The following LMOD1 variants were observed in gnomAD, a reference collection of about 807,000 sequenced individuals.
The protein encoded by LMOD1 is leiomodin-1.
LMOD1 carries 8 observed loss-of-function variants against 36.5 expected under a neutral mutation model. That is an observed-to-expected ratio of 0.22 (90% confidence interval 0.13 to 0.40). LMOD1 has a LOEUF of 0.40. Among genes scored for constraint, LMOD1 ranks in the 10% least tolerant of loss-of-function variants. The probability of loss-of-function intolerance (pLI) is 1.00; values close to 1 mark genes in which losing one functional copy is unlikely to be tolerated. For missense variants in LMOD1, 630 were observed against 751.1 expected (o/e 0.84, Z 1.88); for synonymous variants, 284 against 288.7 (o/e 0.98, Z 0.17).
rs12031868 is a variant in LMOD1, at chr1:201,933,556, A to T, written c.261+12524T>A. ...CTATATATATAATACATATATATATAATACATATATATATTATATATGTAC... is the reference window on the plus strand; with the variant it reads ...CTATATATATAATACATATATATATTATACATATATATATTATATATGTAC... On this transcript the variant is annotated intron_variant, in intron 1 of 2. Coordinates refer to ENST00000367288, the MANE Select transcript of LMOD1 (RefSeq NM_012134.3). 3.9e-3 allele frequency among the ~76,000 whole-genome samples: 486 copies of T among 123,270 alleles called. 6 individuals are homozygous for T. Among genetic ancestry groups the T allele is most frequent in the Non-Finnish European group, 6.5e-3 (374 of 57,224 alleles). 80.9% of individuals were successfully genotyped at this position (123,270 alleles called of 152,430 possible).
chr1:201,907,749 C>T (rs572114823), intron 1 of LMOD1, among the ~76,000 whole-genome samples: 1 of 152,266 alleles, frequency 6.6e-6, no homozygotes, highest in South Asian at 2.1e-4. Context: ...ACTTGTTGGG[C>T]CCTGTGGGTG....
intron 1 of LMOD1, among the ~76,000 whole-genome samples, chr1:201,924,924 A>C (rs1681802716): frequency 6.6e-6 from 1 of 152,142 alleles, no homozygotes; most frequent in Non-Finnish European, 1.5e-5. Flanking sequence ...AAAGAGTTCA[A>C]GATATTCCGG....
At chr1:201,901,512 ATATATATATATATATATGTATATATATAT>A (rs1681301138) in intron 1 of LMOD1, among the ~76,000 whole-genome samples, 3 of 35,000 alleles carry the variant, frequency 8.6e-5, no homozygotes, top group Non-Finnish European at 1.5e-4. Context: ...CAAAAAAAAA[ATATATATATATATATATGTATATATATAT>A]ATATATATAT....
intron 1 of LMOD1, among the ~76,000 whole-genome samples, chr1:201,907,149 T>C (rs10800795): frequency 0.015 from 2,255 of 152,316 alleles, 49 homozygotes; most frequent in African/African-American, 0.049. Context: ...CTGCCCATAG[T>C]GGCATATGAG....
In LMOD1 at chr1:201,897,199, A is replaced by AG; in HGVS notation, c.*1172_*1173insC. 2 of 190,820 alleles carry AG rather than the reference A, an allele frequency of 1.0e-5. No homozygotes were observed. Among genetic ancestry groups the AG allele is most frequent in the Admixed American group, 5.3e-5 (1 of 18,788 alleles). The allele number at this position is 190,820 out of a possible 1,614,324, so 11.8% of individuals were successfully genotyped here. On this transcript the variant is annotated 3_prime_UTR_variant, in exon 3 of 3. Coordinates refer to ENST00000367288, the MANE Select transcript of LMOD1 (RefSeq NM_012134.3). Reference sequence around the variant, plus strand: ...ACACAGATATGGGTGCTATTCTCCAAATAGTCACTCCACTTCTCTGCCTGC... The same window carrying AG: ...ACACAGATATGGGTGCTATTCTCCAAGATAGTCACTCCACTTCTCTGCCTGC...
At position 201,900,422 on chromosome 1, in the gene LMOD1, G is replaced by A. The variant is rs781725517; in HGVS notation, c.591C>T (p.Asn197=). Residue 197 remains asparagine (N), a synonymous_variant, in exon 2 of 3, where the codon AAC becomes AAT. Coordinates refer to ENST00000367288, the MANE Select transcript of LMOD1 (RefSeq NM_012134.3). ...KEEEKKGSDR[N]TGLSRDKDKK... is the part of the protein sequence containing the mutation. ...TATCCTTGTCCCTGCTCAAGCCTGT[G>A]TTCCTGTCACTCCCTTTCTTCTCCT... The A allele has an allele frequency of 5.7e-6, 9 of 1,579,510 alleles. No homozygotes were observed. The East Asian group carries it at 1.2e-4, about 20-fold the overall frequency.
At chr1:201,898,960 A>G (rs1681240396) in intron 2 of LMOD1, among the ~76,000 whole-genome samples, 1 of 152,224 alleles carries the variant, frequency 6.6e-6, no homozygotes, top group Admixed American at 6.5e-5. Flanking sequence ...AAGGAGAAAC[A>G]GGCTTCATTG....
At chr1:201,933,595 T>TATATATATATA (rs1437458163) in intron 1 of LMOD1, among the ~76,000 whole-genome samples, 1 of 63,220 alleles carries the variant, frequency 1.6e-5, no homozygotes, top group Admixed American at 1.8e-4. Flanking sequence ...TATACATACA[T>TATATATATATA]TATATATATA....
chr1:201,928,090 T>C (rs1050368717), intron 1 of LMOD1, among the ~76,000 whole-genome samples: 1 of 152,236 alleles, frequency 6.6e-6, no homozygotes, highest in Non-Finnish European at 1.5e-5. Context: ...CCTACTGCCA[T>C]GGATTGGATA....
At chr1:201,917,424 T>C (rs529211952) in intron 1 of LMOD1, among the ~76,000 whole-genome samples, 10 of 152,332 alleles carry the variant, frequency 6.6e-5, no homozygotes, top group African/African-American at 2.4e-4. Context: ...TAGCTAAGAC[T>C]TCACAGTCAG....
intron 1 of LMOD1, among the ~76,000 whole-genome samples, chr1:201,930,010 G>T (rs1681892253): frequency 6.6e-6 from 1 of 152,144 alleles, no homozygotes; most frequent in Admixed American, 6.6e-5. Flanking sequence ...GGCTAGGCTT[G>T]GCATCCCAGT....
intron 1 of LMOD1, among the ~76,000 whole-genome samples, chr1:201,923,125 A>G (rs1681734358): frequency 6.6e-6 from 1 of 152,078 alleles, no homozygotes; most frequent in Non-Finnish European, 1.5e-5. Context: ...GCGCCAGGCC[A>G]GGAGTGACTC....
At chr1:201,939,140 T>C (rs1682071369) in intron 1 of LMOD1, among the ~76,000 whole-genome samples, 1 of 103,704 alleles carries the variant, frequency 9.6e-6, no homozygotes, top group Non-Finnish European at 2.3e-5. Context: ...CACTGATGGT[T>C]TTTTTTTTTT....
intron 1 of LMOD1, among the ~76,000 whole-genome samples, chr1:201,943,931 A>G (rs1405031654): frequency 2.0e-5 from 3 of 152,200 alleles, no homozygotes; most frequent in Non-Finnish European, 4.4e-5. Context: ...TCTTGGCCAC[A>G]CACTCACTAT....
At chr1:201,905,942 C>T (rs964059270) in intron 1 of LMOD1, among the ~76,000 whole-genome samples, 3 of 152,218 alleles carry the variant, frequency 2.0e-5, no homozygotes, top group Non-Finnish European at 2.9e-5. Flanking sequence ...CAAAGCAAGA[C>T]CGAGGTGATG....
chr1:201,910,598 A>C (rs1386851216), intron 1 of LMOD1, among the ~76,000 whole-genome samples: 3 of 151,526 alleles, frequency 2.0e-5, no homozygotes, highest in Non-Finnish European at 4.4e-5. Flanking sequence ...TGCTTTTATC[A>C]TCATGGTCTT....
At chr1:201,944,722 G>A (rs1682172807) in intron 1 of LMOD1, among the ~76,000 whole-genome samples, 1 of 51,774 alleles carries the variant, frequency 1.9e-5, no homozygotes, top group East Asian at 3.5e-4. Context: ...CTTAAACATA[G>A]GTGGTGGGGC....
intron 1 of LMOD1, among the ~76,000 whole-genome samples, chr1:201,911,143 A>G (rs1245723093): frequency 1.3e-5 from 2 of 152,180 alleles, no homozygotes. Context: ...GGCCAGATGC[A>G]CTCAAGTGCC....
At chr1:201,927,459 A>G (rs547011937) in intron 1 of LMOD1, among the ~76,000 whole-genome samples, 4 of 151,932 alleles carry the variant, frequency 2.6e-5, no homozygotes, top group East Asian at 3.9e-4. Context: ...CCAGCTACTC[A>G]GGAGGCTGAG....
Sources: gnomAD v4.1 joint callset for allele counts (sites outside exome capture counted in the v4.1 genomes callset) on GRCh38, gnomAD v4.1.1 for gene constraint, MANE v1.5 for transcripts, NCBI Gene and HGNC (gene_info 2026-07-23, HGNC 2026-07-21) for gene names.